The following TRPC4AP variants were observed in gnomAD, a reference collection of about 807,000 sequenced individuals.
TRPC4AP encodes short transient receptor potential channel 4-associated protein.
In TRPC4AP, 45 loss-of-function variants were observed where a neutral mutation model predicts 99.0. That is an observed-to-expected ratio of 0.45 (90% CI 0.36 to 0.58). The LOEUF (loss-of-function observed/expected upper bound fraction) is 0.58, where lower values mean the gene tolerates loss of function less well. TRPC4AP is among the 20% of genes least tolerant of loss of function. The pLI is 0.00. For synonymous variants in TRPC4AP, 408 were observed against 385.8 expected (o/e 1.06, Z -0.67); for missense variants, 879 against 985.3 (o/e 0.89, Z 1.44).
intron 2 of TRPC4AP, among the ~76,000 whole-genome samples, chr20:35,071,320 T>G (rs562078185): frequency 5.9e-5 from 9 of 152,268 alleles, no homozygotes; most frequent in Non-Finnish European, 1.2e-4. Context: ...CTAGGGTACT[T>G]GTGCACAACA....
At position 35,003,239 on chromosome 20, in the gene TRPC4AP, G is replaced by A; in HGVS notation, c.2301C>T (p.Ile767=). ...SFSYWKETVS[I]LLNPDRQSPS... is the part of the protein sequence containing the mutation. ...GTGACTGCCGGTCCGGGTTCAACAGGATGGACACTGTCTCCTTCCAGTATG... is the reference window on the plus strand; with the variant it reads ...GTGACTGCCGGTCCGGGTTCAACAGAATGGACACTGTCTCCTTCCAGTATG... The change falls in exon 19 of 19, where the codon ATC becomes ATT. Residue 767 remains isoleucine (I), a synonymous_variant. Coordinates refer to ENST00000252015, the MANE Select transcript of TRPC4AP (RefSeq NM_015638.3). 1 of 1,614,210 alleles carries A rather than the reference G, an allele frequency of 6.2e-7. No homozygotes were observed. The highest frequency in any genetic ancestry group is 2.2e-5 in the East Asian group (1 of 44,876).
At position 35,003,302 on chromosome 20, in the gene TRPC4AP, G is replaced by GC; in HGVS notation, c.2257-20dup. The GC allele has an allele frequency of 6.2e-7, 1 of 1,612,212 alleles. No homozygotes were observed. Among genetic ancestry groups the GC allele is most frequent in the Non-Finnish European group, 8.5e-7 (1 of 1,179,160 alleles). ...AGGAGCTCTGGGCAAAGAGGGAGGG[G>GC]CTGGGGGGCGCCTGGAGGACCCAGG... On this transcript the variant is annotated intron_variant, in intron 18 of 18. Coordinates refer to ENST00000252015, the MANE Select transcript of TRPC4AP (RefSeq NM_015638.3).
chr20:35,013,301 C>T (rs941246126), intron 10 of TRPC4AP, among the ~76,000 whole-genome samples: 5 of 152,096 alleles, frequency 3.3e-5, no homozygotes, highest in East Asian at 1.9e-4. Context: ...AAAAATAAGG[C>T]GGGGCGTGGT....
chr20:35,015,389 T>C (rs552814535), intron 10 of TRPC4AP, among the ~76,000 whole-genome samples: 1 of 151,448 alleles, frequency 6.6e-6, no homozygotes, highest in South Asian at 2.1e-4. Context: ...GGGCAGCCCC[T>C]GCCTGGAGTG....
At position 35,092,797 on chromosome 20, in the gene TRPC4AP, A is replaced by C; in HGVS notation, c.-16T>G. ...CCGCCGCCATGTCTCCTCGTCGGAC[A>C]AACAGGAAGCAAGCGGCCTCGGGGC... On this transcript the variant is annotated 5_prime_UTR_variant, in exon 1 of 19. Transcript: ENST00000252015. 6.6e-7 allele frequency: 1 copy of C among 1,513,330 alleles called. No individual in the cohort carries two copies. Among genetic ancestry groups the C allele is most frequent in the South Asian group, 1.2e-5 (1 of 81,796 alleles). 93.7% of individuals were successfully genotyped at this position (1,513,330 alleles called of 1,614,324 possible).
At chr20:35,028,464 T>A (rs1019704472) in intron 8 of TRPC4AP, among the ~76,000 whole-genome samples, 1 of 152,230 alleles carries the variant, frequency 6.6e-6, no homozygotes, top group Non-Finnish European at 1.5e-5. Context: ...ACTGCTTAAT[T>A]TGCATGTATT....
chr20:35,092,610 G>A lies in TRPC4AP; in HGVS notation c.168+4C>T, dbSNP rs1030059554. The stretch of plus-strand genomic sequence containing the variant: ...GCCCCGCCCCTCCTGGTCCAGCCTC[G>A]TACCTGCACCGCCCGGACCAGGCCC... On this transcript the variant is annotated splice_donor_region_variant and intron_variant, in intron 1 of 18. Coordinates refer to ENST00000252015, the MANE Select transcript of TRPC4AP (RefSeq NM_015638.3). 7.2e-7 allele frequency: 1 copy of A among 1,392,480 alleles called. No homozygotes were observed. The highest frequency in any genetic ancestry group is 9.4e-7 in the Non-Finnish European group (1 of 1,065,284). The allele number at this position is 1,392,480 out of a possible 1,614,324, so 86.3% of individuals were successfully genotyped here.
Position 35,021,263 on chromosome 20 carries a change from A to G in TRPC4AP, c.1145T>C (p.Met382Thr), listed in dbSNP as rs2082881746. 1 of 1,614,196 alleles carries G rather than the reference A, an allele frequency of 6.2e-7. No individual in the cohort carries two copies. The highest frequency in any genetic ancestry group is 8.5e-7 in the Non-Finnish European group (1 of 1,180,028). Residue 382 changes from methionine to threonine, a missense_variant, in exon 9 of 19, where the codon ATG becomes ACG. By Grantham distance (81) the Met-to-Thr change is moderately conservative. Around this residue, in one of 3 missense-constraint regions of TRPC4AP, gnomAD observed 603 missense variants for 631.8 expected, o/e 0.95. Transcript: ENST00000252015. ...RTQLPQSMKI[M>T]HEIMYKLEVL... Reference sequence around the variant, plus strand: ...TTCCAGTTTGTACATGATCTCATGCATAATCTTCATTGACTGGGGCAGCTG... The same window carrying G: ...TTCCAGTTTGTACATGATCTCATGCGTAATCTTCATTGACTGGGGCAGCTG...
chr20:35,031,856 T>C (rs948040741), intron 8 of TRPC4AP, among the ~76,000 whole-genome samples: 1 of 152,146 alleles, frequency 6.6e-6, no homozygotes, highest in African/African-American at 2.4e-5. Flanking sequence ...TGCTGAGTCT[T>C]TCTAGTGATT....
intron 2 of TRPC4AP, among the ~76,000 whole-genome samples, chr20:35,077,657 C>T (rs374173310): frequency 3.3e-5 from 5 of 152,154 alleles, no homozygotes; most frequent in Non-Finnish European, 5.9e-5. Context: ...AATCTTCTTA[C>T]GTTAGTAATA....
chr20:35,080,789 G>A (rs2084620310), intron 1 of TRPC4AP, among the ~76,000 whole-genome samples: 1 of 127,694 alleles, frequency 7.8e-6, no homozygotes, highest in African/African-American at 3.1e-5. Context: ...AAAAACCACT[G>A]ACTTGTACAC....
At chr20:35,061,238 T>TGG (rs2145972647) in intron 3 of TRPC4AP, among the ~76,000 whole-genome samples, 1 of 152,240 alleles carries the variant, frequency 6.6e-6, no homozygotes, top group Admixed American at 6.5e-5. Flanking sequence ...AACAATTCCA[T>TGG]TTAAAGGAGC....
At chr20:35,058,687 C>CTT (rs71196781) in intron 3 of TRPC4AP, among the ~76,000 whole-genome samples, 15,249 of 110,288 alleles carry the variant, frequency 0.14, 1,725 homozygotes, top group African/African-American at 0.22. Flanking sequence ...AAAGAAAATT[C>CTT]TTTTTTTTTT....
intron 5 of TRPC4AP, among the ~76,000 whole-genome samples, chr20:35,050,936 G>T (rs1335661721): frequency 1.3e-5 from 2 of 151,932 alleles, no homozygotes; most frequent in African/African-American, 4.8e-5. Context: ...GTGTGAGGCC[G>T]CAGTGAGCTA....
intron 8 of TRPC4AP, among the ~76,000 whole-genome samples, chr20:35,025,679 A>G (rs933315297): frequency 6.6e-6 from 1 of 152,156 alleles, no homozygotes; most frequent in Non-Finnish European, 1.5e-5. Context: ...ATTTGCAAAG[A>G]TGTCCCACCC....
chr20:35,078,106 G>C lies in TRPC4AP; in HGVS notation c.237C>G (p.Leu79=). 3 of 1,614,060 alleles carry C rather than the reference G, an allele frequency of 1.9e-6. No homozygotes were observed. Among genetic ancestry groups the C allele is most frequent in the Non-Finnish European group, 2.5e-6 (3 of 1,179,948 alleles). The stretch of plus-strand genomic sequence containing the variant: ...GGAGGTGGCTGGTGGTGTGCAGCTT[G>C]AGGAGCAGCTGAGGAATTCCACTCC... ...SKWSGIPQLL[L]KLHTTSHLHS... is the part of the protein sequence containing the mutation. The change falls in exon 2 of 19, where the codon CTC becomes CTG. Residue 79 remains leucine (L), a synonymous_variant. Transcript: ENST00000252015.
intron 4 of TRPC4AP, among the ~76,000 whole-genome samples, chr20:35,056,077 C>T (rs933769831): frequency 1.3e-5 from 2 of 152,170 alleles, no homozygotes; most frequent in Non-Finnish European, 2.9e-5. Flanking sequence ...GGCAGCCCTG[C>T]CAAGCTAGCT....
intron 6 of TRPC4AP, among the ~76,000 whole-genome samples, chr20:35,046,157 A>G (rs2083558307): frequency 6.6e-6 from 1 of 152,222 alleles, no homozygotes; most frequent in Non-Finnish European, 1.5e-5. Context: ...ATTAAGTTCA[A>G]TATTTGCTGT....
At chr20:35,043,286 G>A (rs185230020) in intron 7 of TRPC4AP, among the ~76,000 whole-genome samples, 68 of 145,986 alleles carry the variant, frequency 4.7e-4, no homozygotes, top group African/African-American at 1.4e-3. Context: ...TAATTATGTC[G>A]CCCAGGCTGA....
Sources: allele counts gnomAD v4.1 joint callset (sites outside exome capture counted in the v4.1 genomes callset), GRCh38; gene constraint gnomAD v4.1.1; regional missense constraint gnomAD v4.1.1; transcripts MANE v1.5; gene names NCBI Gene and HGNC (gene_info 2026-07-23, HGNC 2026-07-21).